CHD8: variants seen among roughly 807,000 people sequenced by gnomAD.
The protein encoded by CHD8 is chromodomain helicase DNA binding protein 8.
A neutral mutation model predicts 279.2 loss-of-function variants in CHD8; 31 were observed. That is an observed-to-expected ratio of 0.11 (90% CI 0.08 to 0.15). CHD8 has a LOEUF of 0.15. CHD8 is among the 10% of genes least tolerant of loss of function. The pLI is 1.00. For missense variants in CHD8, 2,146 were observed against 3,230.5 expected (o/e 0.66, Z 8.14); for synonymous variants, 1,081 against 1,139.6 (o/e 0.95, Z 1.04).
chr14:21,395,873 A>T lies in CHD8; in HGVS notation c.5071T>A (p.Cys1691Ser). The change falls in exon 28 of 38, where the codon TGT becomes AGT. Residue 1691 changes from cysteine (C) to serine (S), a missense_variant. This residue lies in a region of CHD8 where 75 missense variants were observed against 81.3 expected (regional missense o/e 0.92). Transcript: ENST00000646647. ...AGTGGTTTATATTCAGGATCTTCAC[A>T]ATCTTTATCAAAGTCAACCCTAAAA... ...IVEGVDFDKD[C>S]EDPEYKPLQG... The T allele has an allele frequency of 6.2e-7, 1 of 1,611,560 alleles. No homozygotes were observed. Among genetic ancestry groups the T allele is most frequent in the East Asian group, 2.2e-5 (1 of 44,828 alleles).
chr14:21,401,118 A>C (rs1238461503), intron 21 of CHD8, 47 bp from the exon 22 acceptor site: 1 of 1,385,976 alleles, frequency 7.2e-7, no homozygotes. Context: ...TGATTTGCTC[A>C]TGGGAAAAGA....
intron 5 of CHD8, among the ~76,000 whole-genome samples, chr14:21,424,799 A>AG (rs2139523626): frequency 6.6e-6 from 1 of 152,256 alleles, no homozygotes; most frequent in African/African-American, 2.4e-5. Context: ...AATTTCCCCT[A>AG]GAAAAACCCA....
At chr14:21,439,509 A>G (rs143300722) in intron 1 of CHD8, among the ~76,000 whole-genome samples, 1 of 152,332 alleles carries the variant, frequency 6.6e-6, no homozygotes, top group African/African-American at 2.4e-5. Flanking sequence ...AGGCTTAGAG[A>G]GTTGAATGTT....
chr14:21,409,918 T>A lies in CHD8; in HGVS notation c.2297A>T (p.Asp766Val). 1 of 1,613,878 alleles carries A rather than the reference T, an allele frequency of 6.2e-7. No individual in the cohort carries two copies. The highest frequency in any genetic ancestry group is 8.5e-7 in the Non-Finnish European group (1 of 1,179,786). The change falls in exon 11 of 38, where the codon GAT (aspartate) becomes GTT (valine). Residue 766 changes from aspartate (D) to valine (V), a missense_variant. Transcript: ENST00000646647. ...TTCTCGAATCTTGCCCTCATCAACA[T>A]CTTCTTTTAGCTCCCATGTGCTATC... Reference protein sequence around the residue: ...YEDSTWELKEDVDEGKIREFK... With the variant: ...YEDSTWELKEVVDEGKIREFK...
chr14:21,451,247 T>A (rs776979064), intron 1 of CHD8, among the ~76,000 whole-genome samples: 5 of 152,128 alleles, frequency 3.3e-5, no homozygotes, highest in African/African-American at 7.2e-5. Context: ...AATATATTCC[T>A]GGATCTTTCC....
intron 1 of CHD8, among the ~76,000 whole-genome samples, chr14:21,449,222 T>C (rs1289705360): frequency 1.3e-5 from 2 of 152,034 alleles, no homozygotes; most frequent in East Asian, 1.9e-4. Context: ...GGATAATAAA[T>C]GGGGCTTTGA....
intron 1 of CHD8, chr14:21,455,125 G>A (rs1890353479): frequency 6.6e-6 from 1 of 152,182 alleles, no homozygotes; most frequent in Non-Finnish European, 1.5e-5. Flanking sequence ...CTTGTGTTTG[G>A]GGCGCTCCGC....
chr14:21,420,610 T>C (rs1037106556), intron 5 of CHD8, among the ~76,000 whole-genome samples: 1 of 152,150 alleles, frequency 6.6e-6, no homozygotes, highest in African/African-American at 2.4e-5. Flanking sequence ...CCAAGACGTA[T>C]CATTAGGGAA....
At chr14:21,411,560 G>A (rs1187858209) in intron 10 of CHD8, among the ~76,000 whole-genome samples, 2 of 152,142 alleles carry the variant, frequency 1.3e-5, no homozygotes, top group Non-Finnish European at 2.9e-5. Context: ...AGGCTCTGCT[G>A]TTCTCTACTG....
Position 21,394,894 on chromosome 14 carries a change from T to C in CHD8, c.5390+18A>G, listed in dbSNP as rs1361193159. On this transcript the variant is annotated intron_variant, in intron 30 of 37. Transcript: ENST00000646647. ...AACTGAAAACACAGATCAGCACAAG[T>C]TCCCAGCTATATTTTACCGTTGTTG... 2 of 1,611,774 alleles carry C rather than the reference T, an allele frequency of 1.2e-6. No homozygotes were observed. Among genetic ancestry groups the C allele is most frequent in the Non-Finnish European group, 1.7e-6 (2 of 1,178,170 alleles).
chr14:21,427,706 G>A (rs1889387599), intron 4 of CHD8, 163 bp downstream of exon 4: 3 of 1,502,346 alleles, frequency 2.0e-6, no homozygotes, highest in Non-Finnish European at 2.7e-6. Context: ...ACTCTTGCAC[G>A]TCCCATCACA....
intron 10 of CHD8, 64 bp downstream of exon 10, chr14:21,412,849 T>A: frequency 9.8e-7 from 1 of 1,021,088 alleles, no homozygotes. Flanking sequence ...AAATAAAGGA[T>A]TGGCAAACCC....
At position 21,402,428 on chromosome 14, in the gene CHD8, C is replaced by T. The variant is rs1389713229; in HGVS notation, c.3790G>A (p.Glu1264Lys). 6.2e-7 allele frequency: 1 copy of T among 1,614,110 alleles called. No homozygotes were observed. The highest frequency in any genetic ancestry group is 8.5e-7 in the Non-Finnish European group (1 of 1,180,002). Reference protein sequence around the residue: ...VYRLITRNSYEREMFDKASLK... With the variant: ...VYRLITRNSYKREMFDKASLK... Reference sequence around the variant, plus strand: ...CTGGCCTTATCAAACATCTCTCTCTCGTAGGAATTACGAGTGATGAGGCGG... The same window carrying T: ...CTGGCCTTATCAAACATCTCTCTCTTGTAGGAATTACGAGTGATGAGGCGG... The change falls in exon 19 of 38, where the codon GAG becomes AAG. Residue 1264 changes from glutamate to lysine, a missense_variant. Transcript: ENST00000646647. The surrounding 1 kb of genome is among the most constrained non-coding windows in gnomAD (Gnocchi z 4.5).
chr14:21,443,530 A>G (rs1890037119), intron 1 of CHD8, among the ~76,000 whole-genome samples: 2 of 152,114 alleles, frequency 1.3e-5, no homozygotes, highest in Middle Eastern at 3.4e-3. Flanking sequence ...GTGATCAATT[A>G]TATCAAACAA....
chr14:21,414,199 A>G (rs1242727059), intron 9 of CHD8, 102 bp downstream of exon 9: 1 of 693,454 alleles, frequency 1.4e-6, no homozygotes, highest in Non-Finnish European at 2.6e-6. Flanking sequence ...ACCCATATAT[A>G]GAAACCAATT....
intron 37 of CHD8, 34 bp from the exon 38 acceptor site, chr14:21,386,210 AG>A (rs966961347): frequency 6.6e-6 from 10 of 1,518,900 alleles, no homozygotes; most frequent in African/African-American, 1.4e-5. Context: ...ATAAAAAGAA[AG>A]AAAGGGGAAA....
chr14:21,391,836 T>C lies in CHD8; in HGVS notation c.6882A>G (p.Val2294=). The change falls in exon 35 of 38, where the codon GTA becomes GTG. Residue 2294 remains valine (V), a synonymous_variant. Coordinates refer to ENST00000646647, the MANE Select transcript of CHD8 (RefSeq NM_001170629.2). The part of the protein sequence containing the change: ...HKKKGNRKKL[V]ELEVECMEEP... ...AAAGACTTTCTCTACCACTCACCTCTACTAGCTTCTTTCTGTTCCCCTTCT... is the reference window on the plus strand; with the variant it reads ...AAAGACTTTCTCTACCACTCACCTCCACTAGCTTCTTTCTGTTCCCCTTCT... 1 of 1,606,032 alleles carries C rather than the reference T, an allele frequency of 6.2e-7. No homozygotes were observed. Among genetic ancestry groups the C allele is most frequent in the Non-Finnish European group, 8.5e-7 (1 of 1,172,592 alleles).
chr14:21,428,154 T>G lies in CHD8; in HGVS notation c.1316A>C (p.His439Pro), dbSNP rs1322402832. 1.9e-6 allele frequency: 3 copies of G among 1,614,014 alleles called. No individual in the cohort carries two copies. The South Asian group carries it at 3.3e-5, about 18-fold the overall frequency. Residue 439 changes from histidine (H) to proline (P), a missense_variant, in exon 4 of 38, where the codon CAT (histidine) becomes CCT (proline). Physicochemically the swap from His to Pro is moderately conservative, Grantham distance 77. Around this residue, in one of 26 missense-constraint regions of CHD8, gnomAD observed 170 missense variants for 189.9 expected, o/e 0.90. Transcript: ENST00000646647. ...ALSSPASSAP[H>P]SGGKTGMEEN... Reference sequence around the variant, plus strand: ...CTCCATTCCTGTCTTTCCCCCCGAATGAGGAGCAGAGCTTGCTGGTGATGA... The same window carrying G: ...CTCCATTCCTGTCTTTCCCCCCGAAGGAGGAGCAGAGCTTGCTGGTGATGA...
intron 1 of CHD8, among the ~76,000 whole-genome samples, chr14:21,441,626 T>C (rs2149747): frequency 0.12 from 18,022 of 152,096 alleles, 1,534 homozygotes; most frequent in African/African-American, 0.24. Flanking sequence ...TGGTGGCTCA[T>C]GCCTGTAATC....
Sources: allele counts gnomAD v4.1 joint callset (sites outside exome capture counted in the v4.1 genomes callset), GRCh38; gene constraint gnomAD v4.1.1; regional missense constraint gnomAD v4.1.1; non-coding constraint Gnocchi (gnomAD v3.1); transcripts MANE v1.5; gene names NCBI Gene and HGNC (gene_info 2026-07-23, HGNC 2026-07-21).